Variants in PTCHD4 observed in about 807,000 individuals in gnomAD.
PTCHD4 encodes the protein patched domain containing 4.
Under a neutral mutation model 58.1 loss-of-function variants are expected in PTCHD4, and 33 were observed. That is an observed-to-expected ratio of 0.57 (90% CI 0.43 to 0.76). The LOEUF is 0.76. Among genes scored for constraint, PTCHD4 ranks in the 30% least tolerant of loss-of-function variants. The pLI is 0.00. For synonymous variants in PTCHD4, 478 were observed against 409.6 expected, an observed-to-expected ratio of 1.17 and a Z score of -2.02; for missense variants, 1,058 against 1,027.1, an observed-to-expected ratio of 1.03 and a Z score of -0.41.
intron 4 of PTCHD4, among the ~76,000 whole-genome samples, chr6:47,956,567 G>A (rs1437736957): frequency 6.6e-6 from 1 of 151,876 alleles, no homozygotes; most frequent in East Asian, 1.9e-4. Flanking sequence ...CCAAGTAGCT[G>A]GGACTACAGG....
At chr6:48,100,386 T>A (rs571420516) in intron 1 of PTCHD4, among the ~76,000 whole-genome samples, 18 of 152,306 alleles carry the variant, frequency 1.2e-4, no homozygotes, top group African/African-American at 4.3e-4. Flanking sequence ...CCTTGCAATA[T>A]AATTCCTTCC....
intron 4 of PTCHD4, among the ~76,000 whole-genome samples, chr6:47,935,705 C>T (rs923157301): frequency 1.3e-5 from 2 of 152,022 alleles, no homozygotes; most frequent in Non-Finnish European, 2.9e-5. Context: ...ATATAGATTA[C>T]TGATTAGGTG....
intron 3 of PTCHD4, among the ~76,000 whole-genome samples, chr6:48,015,192 T>C (rs1282258548): frequency 1.3e-5 from 2 of 152,054 alleles, no homozygotes; most frequent in Non-Finnish European, 2.9e-5. Flanking sequence ...AGTGCTTCAT[T>C]GAACTGAACT....
At chr6:48,087,661 G>A (rs999686388) in intron 1 of PTCHD4, among the ~76,000 whole-genome samples, 2 of 152,080 alleles carry the variant, frequency 1.3e-5, no homozygotes, top group African/African-American at 2.4e-5. Context: ...CCACTAGATG[G>A]CAGAGCCTGG....
chr6:48,070,359 A>T (rs181098228), intron 1 of PTCHD4, among the ~76,000 whole-genome samples: 1 of 152,298 alleles, frequency 6.6e-6, no homozygotes, highest in East Asian at 1.9e-4. Context: ...TATGCATACA[A>T]ACAAGCTAAA....
At chr6:48,103,220 C>T (rs938173013) in intron 1 of PTCHD4, among the ~76,000 whole-genome samples, 2 of 152,178 alleles carry the variant, frequency 1.3e-5, no homozygotes, top group African/African-American at 4.8e-5. Flanking sequence ...GGCAGACTGA[C>T]ACCTCACACG....
intron 3 of PTCHD4, among the ~76,000 whole-genome samples, chr6:48,040,391 GGT>G (rs1471752337): frequency 5.3e-5 from 8 of 151,902 alleles, no homozygotes; most frequent in Admixed American, 6.6e-5. Context: ...TAGTCACCAT[GGT>G]CCAGAGGCAA....
At chr6:47,924,250 G>A (rs536546944) in intron 4 of PTCHD4, among the ~76,000 whole-genome samples, 34 of 152,130 alleles carry the variant, frequency 2.2e-4, no homozygotes, top group African/African-American at 7.7e-4. Context: ...GCTGCCCAGT[G>A]TAACTGAGTC....
chr6:48,031,295 C>T (rs774451619), intron 3 of PTCHD4, among the ~76,000 whole-genome samples: 2 of 152,048 alleles, frequency 1.3e-5, no homozygotes, highest in African/African-American at 4.8e-5. Flanking sequence ...CCCCTTATCC[C>T]TATGTTGCCT....
At chr6:48,030,729 GT>G (rs1356856730) in intron 3 of PTCHD4, among the ~76,000 whole-genome samples, 6 of 152,044 alleles carry the variant, frequency 3.9e-5, no homozygotes, top group African/African-American at 7.2e-5. Context: ...AATAAAATAA[GT>G]TTTTCTTTAA....
intron 3 of PTCHD4, among the ~76,000 whole-genome samples, chr6:48,047,401 T>A (rs747592855): frequency 3.3e-5 from 5 of 151,886 alleles, no homozygotes; most frequent in Non-Finnish European, 4.4e-5. Context: ...TGGACCTAAA[T>A]GCAAAACTAC....
chr6:48,069,844 T>C lies in PTCHD4; in HGVS notation c.-887A>G, dbSNP rs1368612584. Reference sequence around the variant, plus strand: ...CCACCCCTCACCCATGAGGACTGTTTCAAGCCATCTGGTTCAGGCTAATTT... The same window carrying C: ...CCACCCCTCACCCATGAGGACTGTTCCAAGCCATCTGGTTCAGGCTAATTT... On this transcript the variant is annotated 5_prime_UTR_variant, in exon 2 of 5. An upstream open reading frame in the 5' UTR loses its in-frame stop. Transcript: ENST00000339488. Among the ~76,000 whole-genome samples, 1 of 152,144 alleles carries C rather than the reference T, an allele frequency of 6.6e-6. No homozygotes were observed. The highest frequency in any genetic ancestry group is 1.5e-5 in the Non-Finnish European group (1 of 68,026).
Position 48,089,439 on chromosome 6 carries a change from T to C in PTCHD4, c.-969-19513A>G, listed in dbSNP as rs145205348. 4.9e-3 allele frequency among the ~76,000 whole-genome samples: 740 copies of C among 152,312 alleles called. 6 individuals carry two copies. Among genetic ancestry groups the C allele is most frequent in the African/African-American group, 0.016 (657 of 41,572 alleles). On this transcript the variant is annotated intron_variant, in intron 1 of 4. Coordinates refer to ENST00000339488, the MANE Select transcript of PTCHD4 (RefSeq NM_001384253.1). ...TTTTTGTTTTAACAGATTTTAGTGATAGATAATAAAATCTTAACACATGTT... is the reference window on the plus strand; with the variant it reads ...TTTTTGTTTTAACAGATTTTAGTGACAGATAATAAAATCTTAACACATGTT...
chr6:47,989,027 C>T (rs2224993), intron 4 of PTCHD4, among the ~76,000 whole-genome samples: 5,728 of 152,186 alleles, frequency 0.038, 155 homozygotes, highest in Non-Finnish European at 0.062. Flanking sequence ...AGCCTGATAG[C>T]GATATGGACG....
intron 4 of PTCHD4, among the ~76,000 whole-genome samples, chr6:47,922,445 C>A (rs141585072): frequency 2.0e-5 from 3 of 152,280 alleles, no homozygotes; most frequent in Middle Eastern, 3.4e-3. Flanking sequence ...GCCCCCCTGC[C>A]GGCCCAACTG....
At chr6:48,078,830 A>G (rs1050879314) in intron 1 of PTCHD4, among the ~76,000 whole-genome samples, 3 of 152,288 alleles carry the variant, frequency 2.0e-5, no homozygotes, top group African/African-American at 4.8e-5. Context: ...ATGAAATTGC[A>G]TATTTTGGCC....
In PTCHD4 at chr6:47,869,050, G is replaced by C. The variant is rs572622695; in HGVS notation, c.*9253C>G. Among the ~76,000 whole-genome samples the C allele has an allele frequency of 1.3e-5, 2 of 151,782 alleles. No homozygotes were observed. Among genetic ancestry groups the C allele is most frequent in the East Asian group, 3.9e-4 (2 of 5,126 alleles). The stretch of plus-strand genomic sequence containing the variant: ...AGAGCTTTGCAATGATAAAGCTTTT[G>C]AAGTGGCTTGTGGAATATTAAATTG... On this transcript the variant is annotated 3_prime_UTR_variant, in exon 5 of 5. Transcript: ENST00000339488.
At chr6:47,882,196 T>C (rs977488183) in intron 4 of PTCHD4, among the ~76,000 whole-genome samples, 1 of 152,114 alleles carries the variant, frequency 6.6e-6, no homozygotes, top group Admixed American at 6.6e-5. Context: ...CCTGCTATCT[T>C]TGTAGTCACA....
intron 4 of PTCHD4, chr6:47,890,969 G>T (rs1402580090): frequency 1.3e-6 from 1 of 787,416 alleles, no homozygotes; most frequent in South Asian, 5.8e-5. Flanking sequence ...GCACTTTGGG[G>T]GGCTGAGGCT....
Sources: gnomAD v4.1 joint callset for allele counts (sites outside exome capture counted in the v4.1 genomes callset) on GRCh38, gnomAD v4.1.1 for gene constraint, MANE v1.5 for transcripts, NCBI Gene and HGNC (gene_info 2026-07-23, HGNC 2026-07-21) for gene names.